MYH10: variants seen among roughly 807,000 people sequenced by gnomAD.
MYH10 encodes myosin heavy chain 10.
Under a neutral mutation model 257.8 loss-of-function variants are expected in MYH10, and 55 were observed. The ratio of observed to expected loss-of-function variants is 0.21; its 90% CI spans 0.17 to 0.27. The LOEUF is 0.27. MYH10 is among the 10% of genes least tolerant of loss of function. The probability of loss-of-function intolerance (pLI) is 1.00; values close to 1 mark genes in which losing one functional copy is unlikely to be tolerated. For missense variants in MYH10, 1,631 were observed against 2,500.6 expected, an observed-to-expected ratio of 0.65 and a Z score of 7.42; for synonymous variants, 854 against 921.7, an observed-to-expected ratio of 0.93 and a Z score of 1.33.
chr17:8,481,289 C>T (rs757902788), intron 38 of MYH10, 33 bp downstream of exon 38: 12 of 1,606,330 alleles, frequency 7.5e-6, no homozygotes, highest in Middle Eastern at 1.7e-4. Flanking sequence ...TGCCTGAGGG[C>T]GAAGAACCCA....
rs1215720550 is a variant in MYH10, at chr17:8,494,003, G to A, written c.4057-118C>T. 17 of 1,095,166 alleles carry A rather than the reference G, an allele frequency of 1.6e-5. No individual in the cohort carries two copies. The East Asian group carries it at 3.9e-4, about 25-fold the overall frequency. The allele number at this position is 1,095,166 out of a possible 1,614,324, so 67.8% of individuals were successfully genotyped here. A position where few individuals can be genotyped will look rare whatever the true frequency, so the allele number is the denominator to read the frequency against. ...CAGCCTCAATGCATGAGAACGCCCA[G>A]TGACATTAACAAACACAGATGATTT... On this transcript the variant is annotated intron_variant, in intron 31 of 42. Coordinates refer to ENST00000360416, the MANE Select transcript of MYH10 (RefSeq NM_001256012.3).
At chr17:8,584,172 C>T (rs965011651) in intron 4 of MYH10, among the ~76,000 whole-genome samples, 1 of 152,124 alleles carries the variant, frequency 6.6e-6, no homozygotes, top group African/African-American at 2.4e-5. Flanking sequence ...ATTAAACAGG[C>T]GGCTTGCAAG....
chr17:8,494,880 C>T (rs111525526), intron 31 of MYH10, among the ~76,000 whole-genome samples: 2,977 of 152,328 alleles, frequency 0.02, 100 homozygotes, highest in African/African-American at 0.067. Context: ...GCCCAGGCAG[C>T]GGCCGTGAAT....
intron 17 of MYH10, among the ~76,000 whole-genome samples, chr17:8,527,827 T>C (rs1268533701): frequency 6.6e-6 from 1 of 152,094 alleles, no homozygotes; most frequent in Non-Finnish European, 1.5e-5. Flanking sequence ...CCTCGGTGAG[T>C]TTCCAACTAT....
intron 3 of MYH10, among the ~76,000 whole-genome samples, chr17:8,592,933 C>CCACATATATATA (rs1555612260): frequency 1.3e-4 from 6 of 44,746 alleles, no homozygotes; most frequent in Non-Finnish European, 2.2e-4. Flanking sequence ...TCAAATCCAG[C>CCACATATATATA]TATATATATA....
chr17:8,585,286 GTGTATATATATA>G (rs1186551723), intron 4 of MYH10, among the ~76,000 whole-genome samples: 1 of 84,606 alleles, frequency 1.2e-5, no homozygotes, highest in Non-Finnish European at 2.3e-5. Flanking sequence ...ATGTGTGTGT[GTGTATATATATA>G]TATATATAGC....
chr17:8,586,820 G>A (rs2152040892), intron 4 of MYH10, among the ~76,000 whole-genome samples: 1 of 152,238 alleles, frequency 6.6e-6, no homozygotes, highest in African/African-American at 2.4e-5. Context: ...GTTCCCAAAA[G>A]TCTTCATCAA....
At chr17:8,510,825 G>C (rs1447641362) in intron 24 of MYH10, among the ~76,000 whole-genome samples, 2 of 152,018 alleles carry the variant, frequency 1.3e-5, no homozygotes, top group Non-Finnish European at 2.9e-5. Context: ...TTTCACAGCA[G>C]AAGCACCTCA....
intron 2 of MYH10, among the ~76,000 whole-genome samples, chr17:8,609,018 A>G (rs530798628): frequency 2.6e-5 from 4 of 152,262 alleles, no homozygotes; most frequent in African/African-American, 9.6e-5. Context: ...TCACTGTGTT[A>G]GCCAGGATGG....
chr17:8,539,430 T>TA (rs1440252684), intron 14 of MYH10, among the ~76,000 whole-genome samples: 3 of 152,136 alleles, frequency 2.0e-5, no homozygotes, highest in Non-Finnish European at 4.4e-5. Context: ...GAGCATCAGT[T>TA]AGAGTCATAC....
Position 8,515,301 on chromosome 17 carries a change from C to T in MYH10, c.2505-1407G>A, listed in dbSNP as rs188536863. ...ATTATTCATTCACTCCAGCAAACAG[C>T]GGTATCAGGAGTGGGAGTGTCTTAA... On this transcript the variant is annotated intron_variant, in intron 21 of 42. Transcript: ENST00000360416. Among the ~76,000 whole-genome samples the T allele has an allele frequency of 9.1e-4, 138 of 152,158 alleles. 1 individual carries two copies. In the Middle Eastern group the frequency reaches 0.01, roughly 11 times the overall value.
chr17:8,579,056 C>T (rs984705856), intron 4 of MYH10, among the ~76,000 whole-genome samples: 14 of 152,084 alleles, frequency 9.2e-5, no homozygotes, highest in East Asian at 5.8e-4. Flanking sequence ...GCCGGAGAAT[C>T]GCTTTAGCCC....
intron 17 of MYH10, among the ~76,000 whole-genome samples, chr17:8,526,625 CAT>C (rs58333044): frequency 0.43 from 65,816 of 151,766 alleles, 14,283 homozygotes; most frequent in East Asian, 0.5. Flanking sequence ...GACATATTCG[CAT>C]AGCTTTAAGA....
intron 4 of MYH10, among the ~76,000 whole-genome samples, chr17:8,585,177 GTGTGTGTGTGTGTATATTATATATATATA>G (rs1295599981): frequency 1.6e-5 from 2 of 125,240 alleles, no homozygotes; most frequent in Admixed American, 9.0e-5. Context: ...ATATATATAT[GTGTGTGTGTGTGTATATTATATATATATA>G]TGTGTGTGTG....
chr17:8,553,282 A>C (rs2151966615), intron 8 of MYH10, among the ~76,000 whole-genome samples: 1 of 152,284 alleles, frequency 6.6e-6, no homozygotes, highest in African/African-American at 2.4e-5. Flanking sequence ...TAACCAGAAA[A>C]TCATGGTCTG....
chr17:8,475,608 G>A lies in MYH10; in HGVS notation c.*196C>T. On this transcript the variant is annotated 3_prime_UTR_variant, in exon 43 of 43. Transcript: ENST00000360416. The stretch of plus-strand genomic sequence containing the variant: ...TCTGTTTAATATATGTGTCCTGTGT[G>A]TGTCTATATATAAAAAGGGGAGCAA... The A allele has an allele frequency of 1.7e-6, 1 of 596,646 alleles. No homozygotes were observed. Among genetic ancestry groups the A allele is most frequent in the Non-Finnish European group, 2.9e-6 (1 of 339,336 alleles). 37.0% of individuals were successfully genotyped at this position (596,646 alleles called of 1,614,324 possible).
At position 8,481,351 on chromosome 17, in the gene MYH10, C is replaced by T. The variant is rs147250401; in HGVS notation, c.5235G>A (p.Ala1745=). The T allele has an allele frequency of 1.8e-4, 290 of 1,614,044 alleles. No individual in the cohort carries two copies. In the African/African-American group the frequency reaches 2.8e-3, roughly 16 times the overall value. ...CAGAGGCGCTGTTGGTGATCTCGTC[C>T]GCCAGCTCATCTCTCTCCTGCTCGG... ...RHAEQERDEL[A]DEITNSASGK... The change falls in exon 38 of 43, where the codon GCG becomes GCA. Residue 1745 remains alanine, a synonymous_variant. Transcript: ENST00000360416.
In MYH10 at chr17:8,480,514, A is replaced by G. The variant is rs369234518; in HGVS notation, c.5276T>C (p.Leu1759Pro). Residue 1759 changes from leucine to proline, a missense_variant, in exon 39 of 43, where the codon CTG becomes CCG. Physicochemically the swap from Leu to Pro is moderately conservative, Grantham distance 98. Coordinates refer to ENST00000360416, the MANE Select transcript of MYH10 (RefSeq NM_001256012.3). Reference protein sequence around the residue: ...TNSASGKSALLDEKRRLEARI... With the variant: ...TNSASGKSALPDEKRRLEARI... The stretch of plus-strand genomic sequence containing the variant: ...AGCTTCCAGACGCCGCTTCTCATCC[A>G]GCAGCGCGGACCTGGCGGGGAGAGG... 2.1e-5 allele frequency: 34 copies of G among 1,608,572 alleles called. No individual in the cohort carries two copies. Among genetic ancestry groups the G allele is most frequent in the Non-Finnish European group, 2.9e-5 (34 of 1,179,844 alleles).
At chr17:8,586,709 C>T (rs533184233) in intron 4 of MYH10, among the ~76,000 whole-genome samples, 9 of 152,074 alleles carry the variant, frequency 5.9e-5, no homozygotes, top group Middle Eastern at 3.2e-3. Flanking sequence ...TAAGTGCTAG[C>T]GTCTGTACTG....
Sources: gnomAD v4.1 joint callset for allele counts (sites outside exome capture counted in the v4.1 genomes callset) on GRCh38, gnomAD v4.1.1 for gene constraint, MANE v1.5 for transcripts, NCBI Gene and HGNC (gene_info 2026-07-23, HGNC 2026-07-21) for gene names.